KLF16: variants seen among roughly 807,000 people sequenced by gnomAD.
KLF16 encodes Krueppel-like factor 16.
A neutral mutation model predicts 6.1 loss-of-function variants in KLF16; 6 were observed. That is an observed-to-expected ratio of 0.98 (90% CI 0.54 to 1.93). The LOEUF (loss-of-function observed/expected upper bound fraction) is 1.93, where lower values mean the gene tolerates loss of function less well. KLF16 is among the 30% of genes most tolerant of loss of function. The probability of loss-of-function intolerance (pLI) is 0.01; values close to 1 mark genes in which losing one functional copy is unlikely to be tolerated. For synonymous variants in KLF16, 211 were observed against 176.5 expected, an observed-to-expected ratio of 1.20 and a Z score of -1.55; for missense variants, 355 against 363.8, an observed-to-expected ratio of 0.98 and a Z score of 0.20.
the KLF16 span, among the ~76,000 whole-genome samples, chr19:1,870,602 G>A: frequency 6.6e-6 from 1 of 152,234 alleles, no homozygotes; most frequent in African/African-American, 2.4e-5. Flanking sequence ...CTAGGACTGG[G>A]AGGTTGGGGC....
rs993540007 is a variant in KLF16, at chr19:1,854,122, C to G, written c.*337G>C. 3.6e-5 allele frequency: 10 copies of G among 276,678 alleles called. No individual in the cohort carries two copies. In the South Asian group the frequency reaches 9.5e-4, roughly 26 times the overall value. The allele number at this position is 276,678 out of a possible 1,614,324, so 17.1% of individuals were successfully genotyped here. A position where few individuals can be genotyped will look rare whatever the true frequency, so the allele number is the denominator to read the frequency against. On this transcript the variant is annotated 3_prime_UTR_variant, in exon 2 of 2. Transcript: ENST00000250916. ...GGCTCCCAGAAGTCCACTCCACCCCCCCAAACCCCACCCCGGGAGGGGGGC... is the reference window on the plus strand; with the variant it reads ...GGCTCCCAGAAGTCCACTCCACCCCGCCAAACCCCACCCCGGGAGGGGGGC...
chr19:1,865,174 G>A (rs1267367090), upstream of KLF16, among the ~76,000 whole-genome samples: 1 of 152,216 alleles, frequency 6.6e-6, no homozygotes, highest in East Asian at 1.9e-4. Flanking sequence ...CCGAGAGAGA[G>A]GAGGTTCAGC....
At chr19:1,874,280 G>A in the KLF16 span, among the ~76,000 whole-genome samples, 1 of 152,158 alleles carries the variant, frequency 6.6e-6, no homozygotes, top group African/African-American at 2.4e-5. Flanking sequence ...CGGACATGAG[G>A]TCAGGAAGAC....
upstream of KLF16, among the ~76,000 whole-genome samples, chr19:1,864,440 G>A (rs892553284): frequency 4.6e-5 from 7 of 151,244 alleles, no homozygotes; most frequent in Admixed American, 2.6e-4. Flanking sequence ...GGCCCGGGAG[G>A]GTGGGGCAAG....
upstream of KLF16, among the ~76,000 whole-genome samples, chr19:1,867,957 TGTGTGC>T (rs1207276788): frequency 9.1e-4 from 137 of 150,672 alleles, no homozygotes; most frequent in African/African-American, 3.3e-3. Flanking sequence ...TGTGTGTGTG[TGTGTGC>T]GTGCGCGCAT....
rs2011862019 is a variant in KLF16 at position 1,852,807 on chromosome 19, G to C, written c.*1652C>G. 6.6e-6 allele frequency: 1 copy of C among 152,110 alleles called. No individual in the cohort carries two copies. The highest frequency in any genetic ancestry group is 6.6e-5 in the Admixed American group (1 of 15,264). 9.4% of individuals were successfully genotyped at this position (152,110 alleles called of 1,614,324 possible). On this transcript the variant is annotated 3_prime_UTR_variant, in exon 2 of 2. Coordinates refer to ENST00000250916, the MANE Select transcript of KLF16 (RefSeq NM_031918.4). The stretch of plus-strand genomic sequence containing the variant: ...CAGAGAACACAGAGAGCCGAGGGCT[G>C]GATGGGGCAGGACCCTCCGAGCCCA...
the KLF16 span, among the ~76,000 whole-genome samples, chr19:1,870,336 T>C: frequency 2.0e-5 from 3 of 152,162 alleles, no homozygotes; most frequent in Non-Finnish European, 4.4e-5. Context: ...GCAGCACTGC[T>C]TGGAGTTGCT....
chr19:1,872,972 C>G, the KLF16 span, among the ~76,000 whole-genome samples: 3 of 152,086 alleles, frequency 2.0e-5, no homozygotes, highest in Non-Finnish European at 4.4e-5. Flanking sequence ...TCCTGACACC[C>G]GGACTCAGAG....
chr19:1,859,907 G>A (rs898128055), intron 1 of KLF16, among the ~76,000 whole-genome samples: 4 of 152,050 alleles, frequency 2.6e-5, no homozygotes, highest in Non-Finnish European at 5.9e-5. Context: ...CATGGAGTGC[G>A]TAGAGGCTGG....
Position 1,855,746 on chromosome 19 carries a change from G to T in KLF16, c.458-986C>A, listed in dbSNP as rs191271814. On this transcript the variant is annotated intron_variant, in intron 1 of 1. Transcript: ENST00000250916. ...CAGCAGATAGGGGTCTCCAACGACT[G>T]GGGAGGGGCAGGTCAGTCCACCTCC... Among the ~76,000 whole-genome samples the T allele has an allele frequency of 2.0e-5, 3 of 152,362 alleles. No homozygotes were observed. In the East Asian group the frequency reaches 5.8e-4, roughly 29 times the overall value.
the KLF16 span, among the ~76,000 whole-genome samples, chr19:1,868,684 G>C: frequency 1.5e-5 from 2 of 134,294 alleles, no homozygotes; most frequent in Non-Finnish European, 3.1e-5. Context: ...CGCTCTTGTT[G>C]TCCAGGCTGC....
At chr19:1,868,076 A>C (rs186487608), upstream of KLF16, among the ~76,000 whole-genome samples, 7 of 151,870 alleles carry the variant, frequency 4.6e-5, no homozygotes. Context: ...TTTTTTTACC[A>C]TGTGTATTTA....
Position 1,856,950 on chromosome 19 carries a change from CGGGGTG to C in KLF16, c.458-2196_458-2191del, listed in dbSNP as rs1198824792. On this transcript the variant is annotated intron_variant, in intron 1 of 1. Coordinates refer to ENST00000250916, the MANE Select transcript of KLF16 (RefSeq NM_031918.4). ...CACTTTGCAAGGAGGAGCAGGTTGC[CGGGGTG>C]GGGGGGGCGACCGGGGCAGGGGCGC... is the stretch of plus-strand genomic sequence containing the variant. Among the ~76,000 whole-genome samples, 20 of 43,272 alleles carry C rather than the reference CGGGGTG, an allele frequency of 4.6e-4. 4 individuals are homozygous for C. The highest frequency in any genetic ancestry group is 3.8e-5 in the Non-Finnish European group (1 of 26,280). 28.4% of individuals were successfully genotyped at this position (43,272 alleles called of 152,430 possible).
upstream of KLF16, among the ~76,000 whole-genome samples, chr19:1,863,899 G>A (rs999484237): frequency 6.8e-6 from 1 of 147,998 alleles, no homozygotes; most frequent in Non-Finnish European, 1.5e-5. Context: ...CCGCGCTAGG[G>A]TGCAAGGCCG....
upstream of KLF16, chr19:1,863,591 A>AGGC: frequency 3.1e-6 from 1 of 324,272 alleles, no homozygotes; most frequent in Non-Finnish European, 4.3e-6. Flanking sequence ...CGGGAGGCGG[A>AGGC]GGAGGAGGAG....
chr19:1,854,903 A>G, intron 1 of KLF16, 143 bp from the exon 2 acceptor site: 1 of 836,598 alleles, frequency 1.2e-6, no homozygotes, highest in Non-Finnish European at 1.8e-6. Context: ...CAAAACATGG[A>G]GAAGCACAAA....
At chr19:1,874,775 A>C in the KLF16 span, 4 of 130,438 alleles carry the variant, frequency 3.1e-5, no homozygotes, top group East Asian at 2.3e-4. Context: ...AAAAAAAAAA[A>C]AACACTTCTA....
upstream of KLF16, among the ~76,000 whole-genome samples, chr19:1,866,384 G>T (rs750252355): frequency 9.9e-5 from 15 of 152,108 alleles, no homozygotes; most frequent in Non-Finnish European, 1.9e-4. Flanking sequence ...GCCGAGGCAG[G>T]CGGATGACCT....
chr19:1,871,660 G>C, the KLF16 span, among the ~76,000 whole-genome samples: 1 of 152,126 alleles, frequency 6.6e-6, no homozygotes, highest in Admixed American at 6.6e-5. Flanking sequence ...CACGCACGGT[G>C]GGGGGCGGGG....
Sources: gnomAD v4.1 joint callset for allele counts (sites outside exome capture counted in the v4.1 genomes callset) on GRCh38, gnomAD v4.1.1 for gene constraint, MANE v1.5 for transcripts, NCBI Gene and HGNC (gene_info 2026-07-23, HGNC 2026-07-21) for gene names.